The following C8orf34 variants were observed in gnomAD, a reference collection of about 807,000 sequenced individuals.
The protein encoded by C8orf34 is chromosome 8 open reading frame 34.
In C8orf34, 65 loss-of-function variants were observed where a neutral mutation model predicts 68.3. The observed-to-expected ratio is 0.95, with a 90% CI of 0.78 to 1.17. The LOEUF (loss-of-function observed/expected upper bound fraction) is 1.17, where lower values mean the gene tolerates loss of function less well. C8orf34 is among the 50% of genes most tolerant of loss of function. C8orf34 has a pLI of 0.00. For missense variants in C8orf34, 664 were observed against 655.4 expected, an observed-to-expected ratio of 1.01 and a Z score of -0.14; for synonymous variants, 244 against 241.2, an observed-to-expected ratio of 1.01 and a Z score of -0.11.
At chr8:68,802,960 C>T (rs1366381163) in intron 12 of C8orf34, among the ~76,000 whole-genome samples, 3 of 151,966 alleles carry the variant, frequency 2.0e-5, no homozygotes, top group Non-Finnish European at 4.4e-5. Context: ...AAAGCTGACA[C>T]ACAGGAAATA....
intron 7 of C8orf34, among the ~76,000 whole-genome samples, chr8:68,593,311 A>G (rs1416397897): frequency 2.6e-5 from 4 of 152,056 alleles, no homozygotes; most frequent in African/African-American, 9.7e-5. Flanking sequence ...GAGTATTTTT[A>G]TATCTATATG....
At chr8:68,589,571 G>T (rs2130418853) in intron 7 of C8orf34, among the ~76,000 whole-genome samples, 2 of 117,664 alleles carry the variant, frequency 1.7e-5, no homozygotes, top group South Asian at 5.2e-4. Context: ...GAGAGAGAAA[G>T]GTGGGGGAAG....
intron 7 of C8orf34, among the ~76,000 whole-genome samples, chr8:68,556,212 A>T (rs1190939650): frequency 1.3e-5 from 2 of 151,392 alleles, no homozygotes; most frequent in African/African-American, 4.8e-5. Context: ...ATAAATATTT[A>T]TATTTATCTC....
intron 7 of C8orf34, among the ~76,000 whole-genome samples, chr8:68,557,132 T>C (rs1816279757): frequency 6.6e-6 from 1 of 152,172 alleles, no homozygotes; most frequent in Non-Finnish European, 1.5e-5. Flanking sequence ...TACATAGTGA[T>C]TGAGTATTGC....
At chr8:68,781,012 C>T (rs544778655) in intron 11 of C8orf34, among the ~76,000 whole-genome samples, 1 of 152,078 alleles carries the variant, frequency 6.6e-6, no homozygotes, top group East Asian at 1.9e-4. Flanking sequence ...ACAGGGATTC[C>T]ATGGTTATGG....
intron 5 of C8orf34, among the ~76,000 whole-genome samples, chr8:68,518,135 A>G (rs899271866): frequency 2.0e-5 from 3 of 152,162 alleles, no homozygotes; most frequent in African/African-American, 7.2e-5. Flanking sequence ...AAACCTCAGC[A>G]TCACCCAATA....
Position 68,331,278 on chromosome 8 carries a change from C to T in C8orf34, c.266C>T (p.Ser89Phe), listed in dbSNP as rs1297529870. Residue 89 changes from serine to phenylalanine, a missense_variant, in exon 1 of 14, where the codon TCT becomes TTT. Transcript: ENST00000518698. ...CGGTCCCATCTGTTCCCCATGGCGTCTCATCCGCAAACCCGGATCCAGGCT... is the reference window on the plus strand; with the variant it reads ...CGGTCCCATCTGTTCCCCATGGCGTTTCATCCGCAAACCCGGATCCAGGCT... ...SSRSHLFPMA[S>F]HPQTRIQAYL... 1.3e-6 allele frequency: 2 copies of T among 1,536,476 alleles called. No individual in the cohort carries two copies. Among genetic ancestry groups the T allele is most frequent in the African/African-American group, 2.7e-5 (2 of 73,188 alleles).
intron 7 of C8orf34, chr8:68,534,073 C>T: frequency 2.0e-6 from 2 of 983,600 alleles, no homozygotes; most frequent in African/African-American, 1.8e-5. Context: ...AATGAGATTC[C>T]TTGGTTTTAA....
intron 8 of C8orf34, among the ~76,000 whole-genome samples, chr8:68,673,016 C>G (rs1436111472): frequency 1.3e-5 from 2 of 152,128 alleles, no homozygotes; most frequent in African/African-American, 2.4e-5. Flanking sequence ...TAGAAATACC[C>G]TGGGACCAGG....
intron 10 of C8orf34, among the ~76,000 whole-genome samples, 157 bp from the exon 11 acceptor site, chr8:68,776,242 A>G (rs1323345049): frequency 2.0e-5 from 3 of 152,192 alleles, no homozygotes; most frequent in African/African-American, 7.2e-5. Flanking sequence ...TCAAAGAGTA[A>G]GAAGTTGGCA....
At chr8:68,442,972 G>C (rs1432873202) in intron 2 of C8orf34, among the ~76,000 whole-genome samples, 1 of 152,198 alleles carries the variant, frequency 6.6e-6, no homozygotes, top group African/African-American at 2.4e-5. Context: ...GTATAGCTAA[G>C]TGACATTTCC....
intron 5 of C8orf34, among the ~76,000 whole-genome samples, chr8:68,520,136 GA>G (rs1359078610): frequency 3.3e-5 from 5 of 152,104 alleles, no homozygotes. Flanking sequence ...TATAAGTATA[GA>G]AAGAGTTCAG....
At chr8:68,605,184 C>T (rs1180748294) in intron 7 of C8orf34, among the ~76,000 whole-genome samples, 2 of 152,058 alleles carry the variant, frequency 1.3e-5, no homozygotes, top group African/African-American at 2.4e-5. Flanking sequence ...GTTAGAAGGG[C>T]CAAAATCCAG....
At chr8:68,784,377 A>G (rs887094409) in intron 11 of C8orf34, among the ~76,000 whole-genome samples, 2 of 152,188 alleles carry the variant, frequency 1.3e-5, no homozygotes, top group African/African-American at 4.8e-5. Flanking sequence ...CATCCTATCA[A>G]TATGCTGTAT....
intron 7 of C8orf34, among the ~76,000 whole-genome samples, chr8:68,635,439 G>A (rs1390298651): frequency 2.0e-5 from 3 of 152,074 alleles, no homozygotes; most frequent in Non-Finnish European, 4.4e-5. Flanking sequence ...GTGCTTTGTG[G>A]CTCCAAGATA....
intron 8 of C8orf34, among the ~76,000 whole-genome samples, chr8:68,682,495 A>AGT (rs1181162674): frequency 1.3e-5 from 2 of 152,100 alleles, no homozygotes; most frequent in African/African-American, 4.8e-5. Context: ...TTTCTTTATA[A>AGT]GTGTAAATTT....
rs78576964 is a variant in C8orf34 at position 68,402,654 on chromosome 8, C to T, written c.328-36845C>T. Among the ~76,000 whole-genome samples the T allele has an allele frequency of 5.4e-3, 820 of 152,060 alleles. 26 individuals are homozygous for T. In the East Asian group the frequency reaches 0.092, roughly 17 times the overall value. ...TTAAACATTTGTATCTTTGTTTACC[C>T]GAAGATTATTCAGGAGCATGTTGTT... is the stretch of plus-strand genomic sequence containing the variant. On this transcript the variant is annotated intron_variant, in intron 1 of 13. Transcript: ENST00000518698.
chr8:68,392,844 T>C (rs1808530046), intron 1 of C8orf34, among the ~76,000 whole-genome samples: 1 of 152,134 alleles, frequency 6.6e-6, no homozygotes. Flanking sequence ...TGTTCTTGGC[T>C]TCAGGTAATA....
intron 7 of C8orf34, among the ~76,000 whole-genome samples, chr8:68,604,765 A>G (rs929345151): frequency 1.3e-5 from 2 of 152,174 alleles, no homozygotes; most frequent in Non-Finnish European, 1.5e-5. Flanking sequence ...AGAAAATAAC[A>G]TAGTAGAAAA....
Sources: allele counts gnomAD v4.1 joint callset (sites outside exome capture counted in the v4.1 genomes callset), GRCh38; gene constraint gnomAD v4.1.1; transcripts MANE v1.5; gene names NCBI Gene and HGNC (gene_info 2026-07-23, HGNC 2026-07-21).